The following POLM variants were observed in gnomAD, a reference collection of about 807,000 sequenced individuals.
POLM encodes the protein DNA-directed DNA/RNA polymerase mu.
In POLM, 52 loss-of-function variants were observed where a neutral mutation model predicts 56.7. That is an observed-to-expected ratio of 0.92 (90% CI 0.73 to 1.15). POLM has a LOEUF of 1.15. POLM is among the 50% of genes most tolerant of loss of function. The pLI, the probability that POLM is intolerant of heterozygous loss-of-function variation, is 0.00. For synonymous variants in POLM, 273 were observed against 274.3 expected, an observed-to-expected ratio of 1.00 and a Z score of 0.05; for missense variants, 660 against 663.6, an observed-to-expected ratio of 0.99 and a Z score of 0.06.
chr7:44,078,800 C>G lies in POLM; in HGVS notation c.654G>C (p.Glu218Asp). The change falls in exon 5 of 11, where the codon GAG (glutamate) becomes GAC (aspartate). Residue 218 changes from glutamate to aspartate, a missense_variant. Transcript: ENST00000242248. ...HSSRVVQELL[E>D]HGVCEEVERV... ...TCTCCACCTCCTCACACACTCCATGCTCCAGCAGCTCCTGGGGGAGGGAAC... is the reference window on the plus strand; with the variant it reads ...TCTCCACCTCCTCACACACTCCATGGTCCAGCAGCTCCTGGGGGAGGGAAC... 6.2e-7 allele frequency: 1 copy of G among 1,613,602 alleles called. No individual in the cohort carries two copies. Among genetic ancestry groups the G allele is most frequent in the Non-Finnish European group, 8.5e-7 (1 of 1,179,684 alleles).
chr7:44,081,075 G>A (rs1293638124), intron 1 of POLM, among the ~76,000 whole-genome samples, 159 bp from the exon 2 acceptor site: 2 of 152,174 alleles, frequency 1.3e-5, no homozygotes, highest in Admixed American at 1.3e-4. Flanking sequence ...CCTCCTCCTG[G>A]TAGATGAACA....
At chr7:44,080,614 C>A in intron 2 of POLM, 119 bp downstream of exon 2, 1 of 1,122,398 alleles carries the variant, frequency 8.9e-7, no homozygotes, top group Non-Finnish European at 1.3e-6. Context: ...AGAGTCTTCA[C>A]TGCCCACCTC....
At chr7:44,078,936 C>A in intron 4 of POLM, 125 bp from the exon 5 acceptor site, 1 of 711,226 alleles carries the variant, frequency 1.4e-6, no homozygotes, top group Non-Finnish European at 2.3e-6. Context: ...CCGGCAGAGA[C>A]AACTTTGTGA....
intron 5 of POLM, 84 bp from the exon 6 acceptor site, chr7:44,076,713 A>G: frequency 1.9e-6 from 3 of 1,541,770 alleles, no homozygotes; most frequent in Non-Finnish European, 1.8e-6. Context: ...GGTGTGGCCC[A>G]TGGAGCACCA....
At chr7:44,073,529 G>T in intron 10 of POLM, 96 bp downstream of exon 10, 1 of 1,598,342 alleles carries the variant, frequency 6.3e-7, no homozygotes, top group South Asian at 1.1e-5. Context: ...CGGGTCCTAT[G>T]GGTTTCAGGC....
In POLM at chr7:44,076,689, A is replaced by G; in HGVS notation, c.715-60T>C. 2.5e-6 allele frequency: 4 copies of G among 1,599,612 alleles called. No homozygotes were observed. In the South Asian group the frequency reaches 3.3e-5, roughly 13 times the overall value. On this transcript the variant is annotated intron_variant, in intron 5 of 10. Coordinates refer to ENST00000242248, the MANE Select transcript of POLM (RefSeq NM_013284.4). Reference sequence around the variant, plus strand: ...CTCTCATGGCTAGACTCGGATGATCACCCGCTCCGGGACGGTGTGGCCCAT... The same window carrying G: ...CTCTCATGGCTAGACTCGGATGATCGCCCGCTCCGGGACGGTGTGGCCCAT...
At position 44,082,373 on chromosome 7, in the gene POLM, C is replaced by T; in HGVS notation, c.66G>A (p.Pro22=). 2 of 1,539,606 alleles carry T rather than the reference C, an allele frequency of 1.3e-6. No homozygotes were observed. The highest frequency in any genetic ancestry group is 2.6e-5 in the East Asian group (1 of 38,164). The stretch of plus-strand genomic sequence containing the variant: ...CGACTCCCGGGAAGCGCGTCGAGGG[C>T]GGCGTGGAGGAAGCGGCATCGCCGC... The part of the protein sequence containing the change: ...SPSGDAASST[P]PSTRFPGVAI... The change falls in exon 1 of 11, where the codon CCG becomes CCA. Residue 22 remains proline (P), a synonymous_variant. Coordinates refer to ENST00000242248, the MANE Select transcript of POLM (RefSeq NM_013284.4).
At chr7:44,077,676 C>T (rs1010549552) in intron 5 of POLM, among the ~76,000 whole-genome samples, 3 of 152,322 alleles carry the variant, frequency 2.0e-5, no homozygotes, top group African/African-American at 7.2e-5. Flanking sequence ...TGGCCCCACT[C>T]ATCTGGTCCC....
In POLM at chr7:44,079,634, G is replaced by A; in HGVS notation, c.579C>T (p.Val193=). The A allele has an allele frequency of 6.2e-7, 1 of 1,613,892 alleles. No individual in the cohort carries two copies. The highest frequency in any genetic ancestry group is 8.5e-7 in the Non-Finnish European group (1 of 1,179,974). ...ASVLKALPSP[V]TTLSQLQGLP... ...GCCCCTGCAGCTGGCTCAGGGTTGTGACAGGGCTGGGAAGGGCCTTGAGCA... is the reference window on the plus strand; with the variant it reads ...GCCCCTGCAGCTGGCTCAGGGTTGTAACAGGGCTGGGAAGGGCCTTGAGCA... Residue 193 remains valine (V), a synonymous_variant, in exon 4 of 11, where the codon GTC becomes GTT. Coordinates refer to ENST00000242248, the MANE Select transcript of POLM (RefSeq NM_013284.4).
intron 6 of POLM, 122 bp from the exon 7 acceptor site, chr7:44,074,652 G>A (rs6955679): frequency 0.14 from 160,789 of 1,111,502 alleles, 12,066 homozygotes; most frequent in Admixed American, 0.21. Flanking sequence ...AGAGGCCTCC[G>A]AGGAAGGTGA....
rs3218657 is a variant in POLM at position 44,080,754 on chromosome 7, C to T, written c.351G>A (p.Val117=). The T allele has an allele frequency of 6.2e-7, 1 of 1,614,140 alleles. No individual in the cohort carries two copies. The highest frequency in any genetic ancestry group is 1.3e-5 in the African/African-American group (1 of 75,052). The part of the protein sequence containing the change: ...ESLGAGQPVP[V]ECRHRLEVAG... Reference sequence around the variant, plus strand: ...TCACCTCCAGGCGGTGCCGGCACTCCACAGGTACAGGCTGCCCAGCTCCCA... The same window carrying T: ...TCACCTCCAGGCGGTGCCGGCACTCTACAGGTACAGGCTGCCCAGCTCCCA... Residue 117 remains valine (V), a synonymous_variant, in exon 2 of 11, where the codon GTG becomes GTA. Coordinates refer to ENST00000242248, the MANE Select transcript of POLM (RefSeq NM_013284.4).
chr7:44,074,349 T>C (rs368159219), intron 7 of POLM, 49 bp downstream of exon 7: 2 of 1,549,068 alleles, frequency 1.3e-6, no homozygotes, highest in East Asian at 4.9e-5. Flanking sequence ...GTCCCTTCAC[T>C]GGGGAGGGGT....
At position 44,073,554 on chromosome 7, in the gene POLM, G is replaced by A. The variant is rs974253664; in HGVS notation, c.1398+71C>T. On this transcript the variant is annotated intron_variant, in intron 10 of 10. Transcript: ENST00000242248. ...GGGTTTCAGGCTGGAGGGGTCTGGG[G>A]CCATTTCAGATTGTGGGTCAGGGAG... is the stretch of plus-strand genomic sequence containing the variant. 5 of 1,605,396 alleles carry A rather than the reference G, an allele frequency of 3.1e-6. No homozygotes were observed. The African/African-American group carries it at 6.7e-5, about 21-fold the overall frequency.
In POLM at chr7:44,080,817, G is replaced by T; in HGVS notation, c.288C>A (p.Pro96=). 5.0e-6 allele frequency: 8 copies of T among 1,613,822 alleles called. No individual in the cohort carries two copies. Among genetic ancestry groups the T allele is most frequent in the Non-Finnish European group, 5.9e-6 (7 of 1,179,826 alleles). Residue 96 remains proline, a synonymous_variant, in exon 2 of 11, where the codon CCC becomes CCA. Transcript: ENST00000242248. ...RMAAAPPGCT[P]PALLDISWLT... The stretch of plus-strand genomic sequence containing the variant: ...ACCAGCTTATGTCCAGCAGAGCTGG[G>T]GGGGTGCAACCCGGGGGAGCAGCTG...
chr7:44,077,189 G>A (rs543766261), intron 5 of POLM, among the ~76,000 whole-genome samples: 118 of 152,396 alleles, frequency 7.7e-4, no homozygotes, highest in African/African-American at 2.7e-3. Context: ...CTGAGACTGA[G>A]GGCAGGCCCA....
rs943688130 is a variant in POLM, at chr7:44,073,833, C to T, written c.1264G>A (p.Ala422Thr). Residue 422 changes from alanine to threonine, a missense_variant, in exon 9 of 11, where the codon GCA becomes ACA. Ala to Thr is a moderately conservative substitution (Grantham distance 58). Coordinates refer to ENST00000242248, the MANE Select transcript of POLM (RefSeq NM_013284.4). The stretch of plus-strand genomic sequence containing the variant: ...GCGAAAGGGAACTGGCTGACGGGTG[C>T]AACTACCAAGTCCACTCTCACGGCC... ...WKAVRVDLVV[A>T]PVSQFPFALL... 1.4e-5 allele frequency: 22 copies of T among 1,614,124 alleles called. No individual in the cohort carries two copies. Among genetic ancestry groups the T allele is most frequent in the Admixed American group, 1.2e-4 (7 of 60,014 alleles).
chr7:44,074,060 G>C (rs549657252), intron 8 of POLM, 35 bp from the exon 9 acceptor site: 8 of 1,609,188 alleles, frequency 5.0e-6, no homozygotes, highest in African/African-American at 4.0e-5. Flanking sequence ...GAGACCATCC[G>C]GTGGTGTGGA....
Position 44,076,546 on chromosome 7 carries a change from T to C in POLM, c.798A>G (p.Arg266=), listed in dbSNP as rs1186796086. ...GTTGGGTTAGTTTCTGGGGCTGCTC[T>C]CGGAGGTCATCTAAGGTTCGCAGTC... ...REGLRTLDDL[R]EQPQKLTQQQ... is the part of the protein sequence containing the mutation. The change falls in exon 6 of 11, where the codon CGA becomes CGG. Residue 266 remains arginine (R), a synonymous_variant. Coordinates refer to ENST00000242248, the MANE Select transcript of POLM (RefSeq NM_013284.4). The C allele has an allele frequency of 6.2e-7, 1 of 1,614,088 alleles. No individual in the cohort carries two copies. Among genetic ancestry groups the C allele is most frequent in the Non-Finnish European group, 8.5e-7 (1 of 1,180,014 alleles).
chr7:44,080,114 G>A (rs189108184), intron 2 of POLM, among the ~76,000 whole-genome samples, 155 bp from the exon 3 acceptor site: 1 of 152,344 alleles, frequency 6.6e-6, no homozygotes, highest in East Asian at 1.9e-4. Flanking sequence ...GCATGAGGCT[G>A]AGGGAGGCAC....
Sources: gnomAD v4.1 joint callset for allele counts (sites outside exome capture counted in the v4.1 genomes callset) on GRCh38, gnomAD v4.1.1 for gene constraint, MANE v1.5 for transcripts, NCBI Gene and HGNC (gene_info 2026-07-23, HGNC 2026-07-21) for gene names.